TBC1D31: variants seen among roughly 807,000 people sequenced by gnomAD.
The protein encoded by TBC1D31 is TBC1 domain family member 31, also known as WD repeat domain 67.
TBC1D31 carries 99 observed loss-of-function variants against 132.9 expected under a neutral mutation model. The ratio of observed to expected loss-of-function variants is 0.74; its 90% CI spans 0.63 to 0.88. The LOEUF is 0.88. TBC1D31 is among the 40% of genes least tolerant of loss of function. The pLI, the probability that TBC1D31 is intolerant of heterozygous loss-of-function variation, is 0.00. For synonymous variants in TBC1D31, 385 were observed against 419.4 expected, an observed-to-expected ratio of 0.92 and a Z score of 1.00; for missense variants, 1,134 against 1,256.6, an observed-to-expected ratio of 0.90 and a Z score of 1.48.
At chr8:123,157,754 G>C in the TBC1D31 span, among the ~76,000 whole-genome samples, 1 of 142,608 alleles carries the variant, frequency 7.0e-6, no homozygotes, top group African/African-American at 2.5e-5. Context: ...CGCTGTTACG[G>C]CCCCCACTGC....
chr8:123,137,630 G>T (rs762894361), intron 17 of TBC1D31, among the ~76,000 whole-genome samples: 2 of 152,224 alleles, frequency 1.3e-5, no homozygotes, highest in Non-Finnish European at 2.9e-5. Context: ...TTTACTGGGG[G>T]TCATGTAGAC....
intron 11 of TBC1D31, chr8:123,123,174 A>G (rs1243439827): frequency 6.6e-6 from 1 of 152,260 alleles, no homozygotes; most frequent in Non-Finnish European, 1.5e-5. Flanking sequence ...CAGATTTGCC[A>G]GGAGAAGCAT....
At chr8:123,114,027 G>T (rs576514670) in intron 10 of TBC1D31, among the ~76,000 whole-genome samples, 1 of 151,996 alleles carries the variant, frequency 6.6e-6, no homozygotes, top group South Asian at 2.1e-4. Context: ...TTTTATTTAC[G>T]TTACAGTGGT....
chr8:123,075,708 A>T (rs1054089865), intron 1 of TBC1D31, among the ~76,000 whole-genome samples: 2 of 152,202 alleles, frequency 1.3e-5, no homozygotes, highest in Non-Finnish European at 2.9e-5. Context: ...ATCTCAAAAA[A>T]AAAAATAAAA....
At chr8:123,118,985 C>T (rs75096144) in intron 10 of TBC1D31, among the ~76,000 whole-genome samples, 13,978 of 152,244 alleles carry the variant, frequency 0.092, 854 homozygotes, top group Non-Finnish European at 0.13. Context: ...CTCAACCCCC[C>T]AAAATGTTGG....
rs373959808 is a variant in TBC1D31, at chr8:123,144,770, T to C, written c.2889T>C (p.Ser963=). 1.9e-6 allele frequency: 3 copies of C among 1,613,336 alleles called. No homozygotes were observed. The highest frequency in any genetic ancestry group is 1.7e-6 in the Non-Finnish European group (2 of 1,179,828). ...EFRLRSAKKA[S]ALSDASRKWF... is the part of the protein sequence containing the mutation. ...GTTTGAGATCAGCAAAGAAAGCTTCTGCTCTTTCAGATGCGTCTAGAAAGT... is the reference window on the plus strand; with the variant it reads ...GTTTGAGATCAGCAAAGAAAGCTTCCGCTCTTTCAGATGCGTCTAGAAAGT... The change falls in exon 20 of 22, where the codon TCT becomes TCC. Residue 963 remains serine (S), a synonymous_variant. Coordinates refer to ENST00000287380, the MANE Select transcript of TBC1D31 (RefSeq NM_145647.4).
chr8:123,124,297 A>G (rs1046984504), intron 11 of TBC1D31, among the ~76,000 whole-genome samples: 4 of 152,190 alleles, frequency 2.6e-5, no homozygotes, highest in African/African-American at 9.7e-5. Flanking sequence ...TTTAGACACT[A>G]GAGTCTCTTT....
intron 4 of TBC1D31, among the ~76,000 whole-genome samples, chr8:123,087,562 T>G (rs533624791): frequency 6.6e-6 from 1 of 152,360 alleles, no homozygotes; most frequent in African/African-American, 2.4e-5. Context: ...TTTAATTGCT[T>G]TAGTACTTAC....
At chr8:123,080,434 G>C (rs1434044925) in intron 2 of TBC1D31, among the ~76,000 whole-genome samples, 1 of 151,752 alleles carries the variant, frequency 6.6e-6, no homozygotes, top group South Asian at 2.1e-4. Context: ...GTCCTTCCTG[G>C]TAGAGAAGGG....
At chr8:123,112,967 A>G (rs1818591178) in intron 10 of TBC1D31, among the ~76,000 whole-genome samples, 1 of 152,170 alleles carries the variant, frequency 6.6e-6, no homozygotes, top group Non-Finnish European at 1.5e-5. Flanking sequence ...TTAGGTTCAT[A>G]TTCTAGGTTG....
rs140946353 is a variant in TBC1D31, at chr8:123,132,718, T to C, written c.2407-1396T>C. Among the ~76,000 whole-genome samples, 309 of 152,290 alleles carry C rather than the reference T, an allele frequency of 2.0e-3. 2 individuals are homozygous for C. Among genetic ancestry groups the C allele is most frequent in the African/African-American group, 7.2e-3 (300 of 41,564 alleles). On this transcript the variant is annotated intron_variant, in intron 16 of 21. Transcript: ENST00000287380. ...CACCTGGCCTAAGTCTTTCAAAGTA[T>C]TTTTAATTCAATAGTATTAGAAATC... is the stretch of plus-strand genomic sequence containing the variant.
chr8:123,148,614 C>T (rs947326251), intron 20 of TBC1D31, among the ~76,000 whole-genome samples: 7 of 152,236 alleles, frequency 4.6e-5, no homozygotes, highest in Middle Eastern at 3.4e-3. Flanking sequence ...ACACCTGATT[C>T]GCGTCTTGTC....
At chr8:123,150,437 T>C (rs1295020995) in intron 21 of TBC1D31, among the ~76,000 whole-genome samples, 1 of 152,214 alleles carries the variant, frequency 6.6e-6, no homozygotes, top group Non-Finnish European at 1.5e-5. Context: ...GTTGATAATA[T>C]GAAATTCATA....
intron 20 of TBC1D31, among the ~76,000 whole-genome samples, chr8:123,147,072 ACT>A (rs1481059192): frequency 6.6e-6 from 1 of 151,962 alleles, no homozygotes; most frequent in Non-Finnish European, 1.5e-5. Flanking sequence ...GTAGAATGTG[ACT>A]CTGCACGAAT....
intron 4 of TBC1D31, among the ~76,000 whole-genome samples, chr8:123,086,025 A>G (rs1815704709): frequency 6.6e-6 from 1 of 152,166 alleles, no homozygotes; most frequent in African/African-American, 2.4e-5. Flanking sequence ...TGGTGAGAAA[A>G]TGAGATAAAA....
intron 6 of TBC1D31, among the ~76,000 whole-genome samples, chr8:123,098,274 T>G (rs537356633): frequency 6.6e-6 from 1 of 152,290 alleles, no homozygotes; most frequent in African/African-American, 2.4e-5. Context: ...CATTATTTTA[T>G]ACAGCCTTGC....
Position 123,152,135 on chromosome 8 carries a change from T to C in TBC1D31, c.*196T>C. On this transcript the variant is annotated 3_prime_UTR_variant, in exon 22 of 22. Transcript: ENST00000287380. ...CTTCTTGAACTTTTTACAATAAAAATGTTTTAGAAACTGTTAAAGCTGTGT... is the reference window on the plus strand; with the variant it reads ...CTTCTTGAACTTTTTACAATAAAAACGTTTTAGAAACTGTTAAAGCTGTGT... 2.1e-6 allele frequency: 1 copy of C among 475,176 alleles called. No homozygotes were observed. Among genetic ancestry groups the C allele is most frequent in the Non-Finnish European group, 3.4e-6 (1 of 295,762 alleles). 29.4% of individuals were successfully genotyped at this position (475,176 alleles called of 1,614,324 possible).
chr8:123,088,658 A>G (rs2130026830), intron 4 of TBC1D31, among the ~76,000 whole-genome samples: 1 of 152,318 alleles, frequency 6.6e-6, no homozygotes, highest in African/African-American at 2.4e-5. Flanking sequence ...TTTATTACAG[A>G]TTCTGATTCT....
chr8:123,146,616 TA>T (rs1341293269), intron 20 of TBC1D31, among the ~76,000 whole-genome samples: 1 of 152,252 alleles, frequency 6.6e-6, no homozygotes, highest in Admixed American at 6.5e-5. Flanking sequence ...ATGAATATGC[TA>T]TGTGCATTAC....
Sources: allele counts gnomAD v4.1 joint callset (sites outside exome capture counted in the v4.1 genomes callset), GRCh38; gene constraint gnomAD v4.1.1; transcripts MANE v1.5; gene names NCBI Gene and HGNC (gene_info 2026-07-23, HGNC 2026-07-21).